ELOVL5: variants seen among roughly 807,000 people sequenced by gnomAD.
ELOVL5 encodes the protein ELOVL fatty acid elongase 5.
ELOVL5 carries 8 observed loss-of-function variants against 38.6 expected under a neutral mutation model. The ratio of observed to expected loss-of-function variants is 0.21; its 90% CI spans 0.12 to 0.37. The LOEUF is 0.37. ELOVL5 is among the 10% of genes least tolerant of loss of function. The pLI is 1.00. For missense variants in ELOVL5, 280 were observed against 367.8 expected (o/e 0.76, Z 1.95); for synonymous variants, 127 against 133.7 (o/e 0.95, Z 0.34).
At chr6:53,279,458 A>G (rs1164313731) in intron 3 of ELOVL5, among the ~76,000 whole-genome samples, 4 of 152,132 alleles carry the variant, frequency 2.6e-5, no homozygotes, top group Non-Finnish European at 5.9e-5. Flanking sequence ...CCCTTTGTTA[A>G]TGGGCCTGTT....
chr6:53,311,007 G>A (rs535836455), intron 1 of ELOVL5, among the ~76,000 whole-genome samples: 2 of 152,218 alleles, frequency 1.3e-5, no homozygotes, highest in East Asian at 1.9e-4. Flanking sequence ...GTCCACAAAC[G>A]ACACTGGTAA....
At chr6:53,292,179 T>C (rs1406684192) in intron 2 of ELOVL5, among the ~76,000 whole-genome samples, 1 of 152,172 alleles carries the variant, frequency 6.6e-6, no homozygotes, top group Non-Finnish European at 1.5e-5. Flanking sequence ...TTATTCATGA[T>C]TTTTGCTCAG....
At chr6:53,348,688 GCT>G (rs1769692935) in intron 1 of ELOVL5, 127 bp downstream of exon 1, 1 of 363,862 alleles carries the variant, frequency 2.7e-6, no homozygotes, top group African/African-American at 2.3e-5. Context: ...TGCCCCGGCA[GCT>G]CTTTCTCGGC....
chr6:53,308,104 A>G (rs1213111592), intron 1 of ELOVL5, among the ~76,000 whole-genome samples: 3 of 142,638 alleles, frequency 2.1e-5, no homozygotes, highest in Non-Finnish European at 4.5e-5. Context: ...TTTTAAAATA[A>G]CATTATCAAG....
At chr6:53,319,593 T>C (rs1170003375) in intron 1 of ELOVL5, among the ~76,000 whole-genome samples, 2 of 152,188 alleles carry the variant, frequency 1.3e-5, no homozygotes, top group Non-Finnish European at 2.9e-5. Flanking sequence ...TGTATATGGA[T>C]GTTGGCTTTA....
intron 3 of ELOVL5, among the ~76,000 whole-genome samples, chr6:53,279,430 G>T (rs901539576): frequency 3.3e-5 from 5 of 152,154 alleles, no homozygotes; most frequent in African/African-American, 1.2e-4. Context: ...GTGACCTGTA[G>T]CTGTTTGCTC....
intron 1 of ELOVL5, among the ~76,000 whole-genome samples, chr6:53,318,166 T>A (rs1166581266): frequency 1.3e-5 from 2 of 152,094 alleles, no homozygotes; most frequent in Non-Finnish European, 2.9e-5. Flanking sequence ...TTACAATAAA[T>A]TTTTTTCTAT....
intron 1 of ELOVL5, among the ~76,000 whole-genome samples, chr6:53,335,306 G>A (rs1223985023): frequency 6.6e-6 from 1 of 152,182 alleles, no homozygotes; most frequent in Non-Finnish European, 1.5e-5. Context: ...CTGTCCCTGT[G>A]GCCCCAGGGC....
chr6:53,299,608 G>GC (rs1358024997), intron 1 of ELOVL5, among the ~76,000 whole-genome samples: 1 of 152,204 alleles, frequency 6.6e-6, no homozygotes, highest in African/African-American at 2.4e-5. Flanking sequence ...TACTGAACCA[G>GC]CAGCAGGCTA....
At chr6:53,343,187 TTCCC>T (rs781495370) in intron 1 of ELOVL5, among the ~76,000 whole-genome samples, 153 of 147,232 alleles carry the variant, frequency 1.0e-3, no homozygotes, top group Non-Finnish European at 1.8e-3. Flanking sequence ...TTCTGACATT[TTCCC>T]TCCCTCCCTC....
chr6:53,347,415 C>A (rs7755010), intron 1 of ELOVL5, among the ~76,000 whole-genome samples: 52,264 of 152,082 alleles, frequency 0.34, 9,640 homozygotes, highest in African/African-American at 0.49. Flanking sequence ...AAATGTTTGT[C>A]CACGGCCATC....
chr6:53,295,792 TCAAAGA>T, intron 1 of ELOVL5, 85 bp from the exon 2 acceptor site: 3 of 828,868 alleles, frequency 3.6e-6, no homozygotes, highest in Non-Finnish European at 5.5e-6. Context: ...TAAATTCTTT[TCAAAGA>T]ATATGCTACA....
At chr6:53,270,477 T>G in intron 7 of ELOVL5, 116 bp downstream of exon 7, 1 of 1,147,226 alleles carries the variant, frequency 8.7e-7, no homozygotes, top group Non-Finnish European at 1.3e-6. Flanking sequence ...AGTGACTCCA[T>G]TAGAGGCCAG....
chr6:53,288,313 T>G (rs10484662), intron 3 of ELOVL5, among the ~76,000 whole-genome samples: 18,868 of 152,136 alleles, frequency 0.12, 1,310 homozygotes, highest in African/African-American at 0.17. Context: ...GCGCACAAGA[T>G]TTTTAAGTTT....
intron 3 of ELOVL5, chr6:53,276,956 T>C (rs542747253): frequency 6.6e-6 from 1 of 150,752 alleles, no homozygotes; most frequent in East Asian, 2.0e-4. Context: ...GTAGGCACTA[T>C]GCTGTCACAG....
chr6:53,270,118 C>T (rs1281656476), intron 7 of ELOVL5, among the ~76,000 whole-genome samples: 1 of 152,214 alleles, frequency 6.6e-6, no homozygotes, highest in Non-Finnish European at 1.5e-5. Flanking sequence ...CAAAGACCTA[C>T]ATCACCACAT....
At chr6:53,296,412 G>T (rs1767005419) in intron 1 of ELOVL5, among the ~76,000 whole-genome samples, 1 of 152,018 alleles carries the variant, frequency 6.6e-6, no homozygotes, top group African/African-American at 2.4e-5. Context: ...TGTCAACTTA[G>T]CATTAAAAAT....
intron 5 of ELOVL5, among the ~76,000 whole-genome samples, chr6:53,273,877 A>G (rs1766013768): frequency 6.6e-6 from 1 of 152,170 alleles, no homozygotes; most frequent in Non-Finnish European, 1.5e-5. Context: ...CTTAGAGATA[A>G]AAGAGCCATC....
At chr6:53,348,107 C>T (rs555181803) in intron 1 of ELOVL5, among the ~76,000 whole-genome samples, 3 of 151,934 alleles carry the variant, frequency 2.0e-5, no homozygotes, top group African/African-American at 7.2e-5. Context: ...CCCGGTCGCC[C>T]CCGAGTCCCC....
Sources: gnomAD v4.1 joint callset for allele counts (sites outside exome capture counted in the v4.1 genomes callset) on GRCh38, gnomAD v4.1.1 for gene constraint, MANE v1.5 for transcripts, NCBI Gene and HGNC (gene_info 2026-07-23, HGNC 2026-07-21) for gene names.